ZNF532: variants seen among roughly 807,000 people sequenced by gnomAD.
ZNF532 encodes the protein zinc finger protein 532.
In ZNF532, 22 loss-of-function variants were observed where a neutral mutation model predicts 89.3. The ratio of observed to expected loss-of-function variants is 0.25; its 90% confidence interval spans 0.18 to 0.35. The LOEUF (loss-of-function observed/expected upper bound fraction) is 0.35, where lower values mean the gene tolerates loss of function less well. ZNF532 is among the 10% of genes least tolerant of loss of function. The pLI is 1.00. For synonymous variants in ZNF532, 606 were observed against 649.6 expected, an observed-to-expected ratio of 0.93 and a Z score of 1.02; for missense variants, 1,132 against 1,643.4, an observed-to-expected ratio of 0.69 and a Z score of 5.38.
At chr18:58,913,973 G>A (rs1453675417) in intron 2 of ZNF532, among the ~76,000 whole-genome samples, 1 of 152,228 alleles carries the variant, frequency 6.6e-6, no homozygotes, top group Non-Finnish European at 1.5e-5. Context: ...TGGTTAGGCT[G>A]TGCCTATGCC....
At chr18:58,866,087 G>A (rs867969852) in intron 2 of ZNF532, among the ~76,000 whole-genome samples, 6 of 152,248 alleles carry the variant, frequency 3.9e-5, no homozygotes, top group Middle Eastern at 6.8e-3. Flanking sequence ...GTGGTGGAAT[G>A]TCTTTTATTG....
At chr18:58,888,859 T>C (rs1289188723) in intron 2 of ZNF532, among the ~76,000 whole-genome samples, 3 of 46,908 alleles carry the variant, frequency 6.4e-5, no homozygotes, top group African/African-American at 3.9e-4. Flanking sequence ...ATATAATTTA[T>C]ATATATATAA....
intron 7 of ZNF532, among the ~76,000 whole-genome samples, chr18:58,956,484 T>C (rs1256505743): frequency 6.6e-6 from 1 of 152,196 alleles, no homozygotes; most frequent in Non-Finnish European, 1.5e-5. Context: ...CAAGTCTCAC[T>C]GGAGCACCCA....
At chr18:58,888,362 C>A (rs974652696) in intron 2 of ZNF532, among the ~76,000 whole-genome samples, 5 of 151,914 alleles carry the variant, frequency 3.3e-5, no homozygotes, top group Admixed American at 6.6e-5. Context: ...AGATATTTTT[C>A]TTGTAAGTTT....
chr18:58,944,367 T>C (rs1055930225), intron 5 of ZNF532, among the ~76,000 whole-genome samples: 2 of 152,048 alleles, frequency 1.3e-5, no homozygotes, highest in South Asian at 4.2e-4. Context: ...CCTCTCTCTC[T>C]TCCTTCTTCT....
chr18:58,899,571 C>T (rs1450388438), intron 2 of ZNF532, among the ~76,000 whole-genome samples: 8 of 152,092 alleles, frequency 5.3e-5, no homozygotes, highest in Non-Finnish European at 1.0e-4. Context: ...CGGGTTCAAG[C>T]GATTCTCCTG....
rs201626966 is a variant in ZNF532 at position 58,981,816 on chromosome 18, G to A, written c.3411+199G>A. Among the ~76,000 whole-genome samples, 247 of 149,010 alleles carry A rather than the reference G, an allele frequency of 1.7e-3. 2 individuals carry two copies. Among genetic ancestry groups the A allele is most frequent in the East Asian group, 7.0e-3 (35 of 4,992 alleles). ...TCAGGAGTTCAAGACCAGCCTGGCC[G>A]ACATGGTGTAACCTCATCTCTACTA... On this transcript the variant is annotated intron_variant, in intron 9 of 9. Transcript: ENST00000591808.
rs535491106 is a variant in ZNF532 at position 58,976,952 on chromosome 18, CTT to C, written c.3151-2100_3151-2099del. Among the ~76,000 whole-genome samples the C allele has an allele frequency of 6.5e-4, 99 of 152,304 alleles. No homozygotes were observed. The Middle Eastern group carries it at 0.01, about 16-fold the overall frequency. On this transcript the variant is annotated intron_variant, in intron 7 of 9. Transcript: ENST00000591808. The stretch of plus-strand genomic sequence containing the variant: ...AAAGGCTCGTTACCTCTTAGTCACT[CTT>C]TTGCTGCATAAATGCTAATCCAAGA...
chr18:58,874,755 T>G (rs1022016459), intron 2 of ZNF532, among the ~76,000 whole-genome samples: 3 of 152,206 alleles, frequency 2.0e-5, no homozygotes, highest in Admixed American at 2.0e-4. Context: ...GACCAAAGTT[T>G]AAAACAAAAC....
intron 9 of ZNF532, among the ~76,000 whole-genome samples, chr18:58,982,576 C>T (rs1167607602): frequency 6.6e-6 from 1 of 152,042 alleles, no homozygotes; most frequent in Non-Finnish European, 1.5e-5. Flanking sequence ...GTGCCAAGAT[C>T]ACGCCACTGC....
intron 2 of ZNF532, among the ~76,000 whole-genome samples, chr18:58,886,376 G>T (rs1386474059): frequency 6.6e-6 from 1 of 151,800 alleles, no homozygotes; most frequent in African/African-American, 2.4e-5. Context: ...TGTATGTATT[G>T]TTTTGTGACC....
Position 58,888,775 on chromosome 18 carries a change from ATATATATATAAAATATATATAATT to A in ZNF532, c.-18+23210_-18+23233del, listed in dbSNP as rs1211760433. Among the ~76,000 whole-genome samples the A allele has an allele frequency of 8.0e-3, 444 of 55,658 alleles. 29 individuals are homozygous for A. Among genetic ancestry groups the A allele is most frequent in the African/African-American group, 0.042 (413 of 9,848 alleles). The allele number at this position is 55,658 out of a possible 152,430, so 36.5% of individuals were successfully genotyped here. A position where few individuals can be genotyped will look rare whatever the true frequency, so the allele number is the denominator to read the frequency against. On this transcript the variant is annotated intron_variant, in intron 2 of 9. Transcript: ENST00000591808. The stretch of plus-strand genomic sequence containing the variant: ...TATATAAAATTAATATATATAATTT[ATATATATATAAAATATATATAATT>A]TATATATATAAAAAATTATATATAT...
At chr18:58,930,401 C>T (rs2061853308) in intron 3 of ZNF532, among the ~76,000 whole-genome samples, 1 of 151,946 alleles carries the variant, frequency 6.6e-6, no homozygotes, top group Non-Finnish European at 1.5e-5. Context: ...CCAAAGTGGG[C>T]GGATTGCCTG....
intron 5 of ZNF532, among the ~76,000 whole-genome samples, chr18:58,941,258 C>T (rs989421144): frequency 7.9e-5 from 12 of 152,064 alleles, no homozygotes; most frequent in African/African-American, 2.7e-4. Context: ...ACTAATGTAG[C>T]CTTTCCCCCT....
At chr18:58,904,420 A>G (rs1486022527) in intron 2 of ZNF532, among the ~76,000 whole-genome samples, 1 of 151,988 alleles carries the variant, frequency 6.6e-6, no homozygotes, top group African/African-American at 2.4e-5. Flanking sequence ...TACCATGATT[A>G]AAAAAAGCTA....
intron 2 of ZNF532, among the ~76,000 whole-genome samples, chr18:58,869,814 T>A (rs558519899): frequency 1.8e-4 from 26 of 147,146 alleles, no homozygotes; most frequent in Admixed American, 1.7e-3. Flanking sequence ...TTGTCCAGGC[T>A]GGAGTTCAGT....
chr18:58,893,964 T>C (rs2059084160), intron 2 of ZNF532, among the ~76,000 whole-genome samples: 1 of 152,032 alleles, frequency 6.6e-6, no homozygotes. Flanking sequence ...CTGTCTGTGG[T>C]AGTGAGATAG....
Position 58,984,089 on chromosome 18 carries a change from G to T in ZNF532, c.3529G>T (p.Ala1177Ser). The change falls in exon 10 of 10, where the codon GCC (alanine) becomes TCC (serine). Residue 1177 changes from alanine (A) to serine (S), a missense_variant. Physicochemically the swap from Ala to Ser is moderately conservative, Grantham distance 99. Transcript: ENST00000591808. ...KINVFKVHKC[A>S]VCGFTTENLL... is the part of the protein sequence containing the mutation. The stretch of plus-strand genomic sequence containing the variant: ...CAATGTTTTTAAGGTTCACAAGTGT[G>T]CCGTGTGTGGCTTCACCACCGAAAA... The T allele has an allele frequency of 6.2e-7, 1 of 1,611,842 alleles. No homozygotes were observed. The highest frequency in any genetic ancestry group is 8.5e-7 in the Non-Finnish European group (1 of 1,179,832).
chr18:58,923,353 AT>A (rs2061276862), intron 3 of ZNF532, among the ~76,000 whole-genome samples: 1 of 150,510 alleles, frequency 6.6e-6, no homozygotes, highest in Admixed American at 6.7e-5. Context: ...ACAGCTTCCC[AT>A]TTTCCCAGAC....
Sources: allele counts gnomAD v4.1 joint callset (sites outside exome capture counted in the v4.1 genomes callset), GRCh38; gene constraint gnomAD v4.1.1; transcripts MANE v1.5; gene names NCBI Gene and HGNC (gene_info 2026-07-23, HGNC 2026-07-21).